The following RHD variants were observed in gnomAD, a reference collection of about 807,000 sequenced individuals.
RHD encodes the protein Rh blood group D antigen, also known as blood group Rh(D) polypeptide.
In RHD, 16 loss-of-function variants were observed where a neutral mutation model predicts 45.5. The ratio of observed to expected loss-of-function variants is 0.35; its 90% CI spans 0.24 to 0.53. The LOEUF is 0.53. Ranked by LOEUF, RHD falls within the 20% of genes least tolerant of loss-of-function variation. The probability of loss-of-function intolerance (pLI) is 0.92; values close to 1 mark genes in which losing one functional copy is unlikely to be tolerated. For synonymous variants in RHD, 131 were observed against 217.5 expected, an observed-to-expected ratio of 0.60 and a Z score of 3.50; for missense variants, 306 against 532.0, an observed-to-expected ratio of 0.58 and a Z score of 4.18.
In RHD at chr1:25,303,293, T is replaced by G. The variant is rs372473781; in HGVS notation, c.802-29T>G. 630 of 1,322,150 alleles carry G rather than the reference T, an allele frequency of 4.8e-4. 80 individuals are homozygous for G. The African/African-American group carries it at 7.3e-3, about 15-fold the overall frequency. 81.9% of individuals were successfully genotyped at this position (1,322,150 alleles called of 1,614,324 possible). On this transcript the variant is annotated intron_variant, in intron 5 of 9. Transcript: ENST00000328664. ...GATGGTGTTCTCTCTCTACCTTGCT[T>G]CCTTTACCCACACGCTATTTCTTTG...
At position 25,291,149 on chromosome 1, in the gene RHD, CAGAT is replaced by C. The variant is rs1306474266; in HGVS notation, c.486+370_486+373del. 2.3e-4 allele frequency among the ~76,000 whole-genome samples: 28 copies of C among 123,570 alleles called. 2 individuals carry two copies. The highest frequency in any genetic ancestry group is 3.1e-4 in the Non-Finnish European group (17 of 54,570). 81.1% of individuals were successfully genotyped at this position (123,570 alleles called of 152,430 possible). A position where few individuals can be genotyped will look rare whatever the true frequency, so the allele number is the denominator to read the frequency against. ...CTAAATAAATAGGTAGGTGGATAGA[CAGAT>C]AGATAGATAGACAGACAGACAGACA... On this transcript the variant is annotated intron_variant, in intron 3 of 9. Coordinates refer to ENST00000328664, the MANE Select transcript of RHD (RefSeq NM_016124.6).
chr1:25,276,532 T>TAAAAAAAAAAAAAAAAAAAAAAA (rs557746335), intron 1 of RHD, among the ~76,000 whole-genome samples: 20 of 64,784 alleles, frequency 3.1e-4, no homozygotes, highest in African/African-American at 1.4e-3. Context: ...CCCCCATCTC[T>TAAAAAAAAAAAAAAAAAAAAAAA]AAAAAAAAAA....
chr1:25,281,200 T>G lies in RHD; in HGVS notation c.149-3373T>G. On this transcript the variant is annotated intron_variant, in intron 1 of 9. Transcript: ENST00000328664. The stretch of plus-strand genomic sequence containing the variant: ...TCAGAGCTGGGCTCTGCTGCCGGCA[T>G]GTTTGGGGCCTGGTAGTTAGTTCAC... 1.5e-5 allele frequency among the ~76,000 whole-genome samples: 2 copies of G among 131,400 alleles called. 1 individual carries two copies. The highest frequency in any genetic ancestry group is 3.6e-5 in the Non-Finnish European group (2 of 55,702). 86.2% of individuals were successfully genotyped at this position (131,400 alleles called of 152,430 possible).
Position 25,329,250 on chromosome 1 carries a change from T to TG in RHD, c.*326_*327insG, listed in dbSNP as rs1171429748. ...TTATTATTCCTTGTTTTTTTTTTTT[T>TG]TTTTTTTTTTTTGAGATGTAGTCTT... On this transcript the variant is annotated 3_prime_UTR_variant, in exon 10 of 10. Transcript: ENST00000328664. 16 of 648,370 alleles carry TG rather than the reference T, an allele frequency of 2.5e-5. 2 individuals carry two copies. In the East Asian group the frequency reaches 2.7e-4, roughly 11 times the overall value. The allele number at this position is 648,370 out of a possible 1,614,324, so 40.2% of individuals were successfully genotyped here.
intron 9 of RHD, among the ~76,000 whole-genome samples, chr1:25,324,900 TAGAC>T (rs1326091414): frequency 2.7e-5 from 3 of 113,058 alleles, no homozygotes; most frequent in African/African-American, 7.5e-5. Flanking sequence ...AAAAAAAAAT[TAGAC>T]AGGCGTGGTG....
At position 25,272,565 on chromosome 1, in the gene RHD, G is replaced by A. The variant is rs752685469; in HGVS notation, c.18G>A (p.Pro6=). The A allele has an allele frequency of 7.6e-6, 12 of 1,582,724 alleles. 1 individual carries two copies. The highest frequency in any genetic ancestry group is 2.8e-5 in the African/African-American group (2 of 72,636). ...GACACAGGATGAGCTCTAAGTACCC[G>A]CGGTCTGTCCGGCGCTGCCTGCCCC... MSSKY[P]RSVRRCLPLW... is the part of the protein sequence containing the mutation. Residue 6 remains proline, a synonymous_variant, in exon 1 of 10, where the codon CCG becomes CCA. Transcript: ENST00000328664.
rs1400813578 is a variant in RHD, at chr1:25,277,752, G to A, written c.148+5057G>A. Reference sequence around the variant, plus strand: ...TGCAGTGGTGCGATCTTGGCTCACCGCAACCTCCACCTCCCAGGTTCAAGT... The same window carrying A: ...TGCAGTGGTGCGATCTTGGCTCACCACAACCTCCACCTCCCAGGTTCAAGT... On this transcript the variant is annotated intron_variant, in intron 1 of 9. Transcript: ENST00000328664. Among the ~76,000 whole-genome samples, 195 of 120,696 alleles carry A rather than the reference G, an allele frequency of 1.6e-3. 15 individuals are homozygous for A. The highest frequency in any genetic ancestry group is 4.9e-3 in the African/African-American group (175 of 35,810). 79.2% of individuals were successfully genotyped at this position (120,696 alleles called of 152,430 possible). A position where few individuals can be genotyped will look rare whatever the true frequency, so the allele number is the denominator to read the frequency against.
intron 2 of RHD, among the ~76,000 whole-genome samples, chr1:25,287,364 G>T (rs1026268602): frequency 3.0e-5 from 4 of 135,284 alleles, no homozygotes; most frequent in African/African-American, 1.0e-4. Flanking sequence ...CTAGAAAGAC[G>T]AGAAGGGAGA....
At chr1:25,287,525 G>A (rs1408238269) in intron 2 of RHD, among the ~76,000 whole-genome samples, 3 of 134,586 alleles carry the variant, frequency 2.2e-5, no homozygotes, top group East Asian at 1.9e-4. Context: ...CCCTGGGGAC[G>A]GGGTACTCTC....
At chr1:25,320,986 A>G (rs1406517051) in intron 8 of RHD, among the ~76,000 whole-genome samples, 1 of 131,014 alleles carries the variant, frequency 7.6e-6, no homozygotes, top group African/African-American at 2.6e-5. Context: ...TGAGGCTGCA[A>G]TGAGCTGTGA....
intron 2 of RHD, among the ~76,000 whole-genome samples, chr1:25,287,165 A>ACGCACGCACGCACGCACGCACGCACGCC: frequency 7.4e-6 from 1 of 134,564 alleles, no homozygotes; most frequent in African/African-American, 2.6e-5. Flanking sequence ...GCACACATGC[A>ACGCACGCACGCACGCACGCACGCACGCC]CGCATACACA....
intron 7 of RHD, among the ~76,000 whole-genome samples, chr1:25,316,017 T>C (rs564140253): frequency 3.1e-5 from 4 of 131,108 alleles, no homozygotes; most frequent in African/African-American, 1.0e-4. Flanking sequence ...TGCCCACCTG[T>C]TGAGACAAGA....
intron 2 of RHD, among the ~76,000 whole-genome samples, chr1:25,287,751 T>C (rs1267373709): frequency 7.4e-6 from 1 of 135,382 alleles, no homozygotes; most frequent in Non-Finnish European, 1.8e-5. Context: ...AGACAGGGTC[T>C]TGCTCTGTTG....
chr1:25,291,608 G>C lies in RHD; in HGVS notation c.486+817G>C, dbSNP rs1329947280. ...TAACTACTACAGTATAATCCTGTAG[G>C]ATTGTGCTATTCATGATATAATTAT... On this transcript the variant is annotated intron_variant, in intron 3 of 9. Coordinates refer to ENST00000328664, the MANE Select transcript of RHD (RefSeq NM_016124.6). Among the ~76,000 whole-genome samples the C allele has an allele frequency of 1.5e-5, 2 of 132,508 alleles. 1 individual carries two copies. Among genetic ancestry groups the C allele is most frequent in the Non-Finnish European group, 3.6e-5 (2 of 55,944 alleles). The allele number at this position is 132,508 out of a possible 152,430, so 86.9% of individuals were successfully genotyped here. A position where few individuals can be genotyped will look rare whatever the true frequency, so the allele number is the denominator to read the frequency against.
intron 7 of RHD, among the ~76,000 whole-genome samples, chr1:25,315,589 C>T (rs28493827): frequency 1.1e-4 from 14 of 125,798 alleles, no homozygotes; most frequent in South Asian, 2.5e-4. Flanking sequence ...CTCCACCTCC[C>T]AGGTTCACGC....
At chr1:25,304,852 G>A (rs1441277021) in intron 6 of RHD, 1 of 131,844 alleles carries the variant, frequency 7.6e-6, no homozygotes, top group African/African-American at 2.6e-5. Context: ...GCAGAAAAAA[G>A]AACACATAGC....
rs563290618 is a variant in RHD at position 25,282,893 on chromosome 1, G to GA, written c.149-1669dup. The stretch of plus-strand genomic sequence containing the variant: ...CTGGGCAACAGAGAGACTCTGTCTC[G>GA]AAAAAAAAAAATTGTCTACATGCTG... On this transcript the variant is annotated intron_variant, in intron 1 of 9. Coordinates refer to ENST00000328664, the MANE Select transcript of RHD (RefSeq NM_016124.6). Among the ~76,000 whole-genome samples the GA allele has an allele frequency of 1.2e-3, 142 of 119,980 alleles. 12 individuals are homozygous for GA. The highest frequency in any genetic ancestry group is 3.2e-3 in the African/African-American group (114 of 35,736). The allele number at this position is 119,980 out of a possible 152,430, so 78.7% of individuals were successfully genotyped here.
At chr1:25,321,022 T>A (rs1644669008) in intron 8 of RHD, among the ~76,000 whole-genome samples, 1 of 131,100 alleles carries the variant, frequency 7.6e-6, no homozygotes, top group South Asian at 2.3e-4. Flanking sequence ...CCAGCCTGGA[T>A]AACAGAATGA....
At chr1:25,321,750 A>G in intron 8 of RHD, 139 bp from the exon 9 acceptor site, 1 of 435,962 alleles carries the variant, frequency 2.3e-6, no homozygotes, top group Non-Finnish European at 4.8e-6. Flanking sequence ...CAGGGCTTCC[A>G]TTTATTTGTC....
Sources: gnomAD v4.1 joint callset for allele counts (sites outside exome capture counted in the v4.1 genomes callset) on GRCh38, gnomAD v4.1.1 for gene constraint, MANE v1.5 for transcripts, NCBI Gene and HGNC (gene_info 2026-07-23, HGNC 2026-07-21) for gene names.